The following ERBB4 variants were observed in gnomAD, a reference collection of about 807,000 sequenced individuals.
ERBB4 encodes receptor tyrosine-protein kinase erbB-4.
Under a neutral mutation model 158.0 loss-of-function variants are expected in ERBB4, and 42 were observed. The ratio of observed to expected loss-of-function variants is 0.27; its 90% CI spans 0.21 to 0.34. The LOEUF (loss-of-function observed/expected upper bound fraction) is 0.34, where lower values mean the gene tolerates loss of function less well. Ranked by LOEUF, ERBB4 falls within the 10% of genes least tolerant of loss-of-function variation. The pLI, the probability that ERBB4 is intolerant of heterozygous loss-of-function variation, is 1.00. For missense variants in ERBB4, 1,333 were observed against 1,624.1 expected (o/e 0.82, Z 3.08); for synonymous variants, 583 against 558.7 (o/e 1.04, Z -0.61).
At chr2:211,679,885 G>T (rs1333069507) in intron 12 of ERBB4, among the ~76,000 whole-genome samples, 2 of 152,042 alleles carry the variant, frequency 1.3e-5, no homozygotes, top group African/African-American at 4.8e-5. Context: ...TCACCATGTT[G>T]GCCAGGCTGG....
intron 16 of ERBB4, among the ~76,000 whole-genome samples, chr2:211,644,209 G>C (rs748429864): frequency 1.4e-4 from 21 of 151,950 alleles, no homozygotes; most frequent in Non-Finnish European, 2.6e-4. Context: ...ACTTAGAATT[G>C]ATTAGTTTTT....
chr2:211,463,494 C>T (rs896725248), intron 20 of ERBB4, among the ~76,000 whole-genome samples: 2 of 152,140 alleles, frequency 1.3e-5, no homozygotes, highest in Non-Finnish European at 2.9e-5. Context: ...GGAAGTGGGC[C>T]TCATTTAGCA....
At chr2:212,483,755 G>T (rs1395567085) in intron 1 of ERBB4, among the ~76,000 whole-genome samples, 3 of 149,368 alleles carry the variant, frequency 2.0e-5, no homozygotes, top group African/African-American at 7.5e-5. Flanking sequence ...TCTTTTTTTT[G>T]AGACTGAGTC....
At chr2:211,682,475 G>A (rs1302360150) in intron 12 of ERBB4, among the ~76,000 whole-genome samples, 1 of 151,974 alleles carries the variant, frequency 6.6e-6, no homozygotes, top group Non-Finnish European at 1.5e-5. Flanking sequence ...CATCCTCACA[G>A]ACATGTCCAG....
At chr2:212,256,716 C>G (rs1300984902) in intron 1 of ERBB4, among the ~76,000 whole-genome samples, 4 of 152,100 alleles carry the variant, frequency 2.6e-5, no homozygotes, top group Non-Finnish European at 5.9e-5. Flanking sequence ...CAATGAGGAA[C>G]AGAACCAAGA....
rs559496918 is a variant in ERBB4, at chr2:212,200,738, T to C, written c.83-75835A>G. 3.8e-3 allele frequency among the ~76,000 whole-genome samples: 574 copies of C among 152,316 alleles called. 1 individual carries two copies. Among genetic ancestry groups the C allele is most frequent in the Middle Eastern group, 0.01 (3 of 294 alleles). On this transcript the variant is annotated intron_variant, in intron 1 of 27. Transcript: ENST00000342788. ...AAAAATGATTATTATTTATTGATAT[T>C]CCTTTCCTAATAGAGAATATCACAT...
At chr2:211,991,496 A>G (rs1235835993) in intron 2 of ERBB4, among the ~76,000 whole-genome samples, 1 of 152,192 alleles carries the variant, frequency 6.6e-6, no homozygotes. Context: ...TCATATAAAT[A>G]TTAGAACAAT....
At chr2:211,401,702 C>A (rs1410110725) in intron 25 of ERBB4, among the ~76,000 whole-genome samples, 1 of 151,890 alleles carries the variant, frequency 6.6e-6, no homozygotes, top group African/African-American at 2.4e-5. Context: ...AATAAACATG[C>A]TTAAGAAAGA....
At chr2:211,657,527 A>G in intron 16 of ERBB4, 1 of 515,996 alleles carries the variant, frequency 1.9e-6, no homozygotes, top group South Asian at 2.1e-5. Flanking sequence ...AAAAAAAGAA[A>G]TCGATGGTGT....
chr2:212,182,596 A>T (rs540835814), intron 1 of ERBB4, among the ~76,000 whole-genome samples: 1 of 151,898 alleles, frequency 6.6e-6, no homozygotes, highest in East Asian at 1.9e-4. Context: ...ATTAGTGAGC[A>T]TATTTTATTT....
At chr2:212,519,681 T>G (rs1692041343) in intron 1 of ERBB4, among the ~76,000 whole-genome samples, 1 of 151,774 alleles carries the variant, frequency 6.6e-6, no homozygotes, top group South Asian at 2.1e-4. Flanking sequence ...AGAAATAACT[T>G]AGGCACAGAA....
intron 1 of ERBB4, among the ~76,000 whole-genome samples, chr2:212,511,609 A>T (rs59955246): frequency 0.017 from 2,549 of 151,864 alleles, 70 homozygotes; most frequent in African/African-American, 0.059. Context: ...ATAGATACTT[A>T]TTTTTTTTCA....
intron 2 of ERBB4, among the ~76,000 whole-genome samples, chr2:212,090,353 G>A (rs966576120): frequency 6.6e-6 from 1 of 152,062 alleles, no homozygotes; most frequent in African/African-American, 2.4e-5. Context: ...TCTTTAACTT[G>A]TAGGAGTTGT....
intron 17 of ERBB4, among the ~76,000 whole-genome samples, chr2:211,625,555 T>C (rs2069810373): frequency 6.6e-6 from 1 of 152,188 alleles, no homozygotes; most frequent in Admixed American, 6.5e-5. Context: ...AAATTTAAGT[T>C]ATATAAATGT....
chr2:212,463,409 T>C (rs898568599), intron 1 of ERBB4, among the ~76,000 whole-genome samples: 1 of 152,108 alleles, frequency 6.6e-6, no homozygotes, highest in Non-Finnish European at 1.5e-5. Context: ...TAAAAACACA[T>C]ATATGTATAT....
At chr2:211,965,150 A>G (rs2081278095) in intron 2 of ERBB4, among the ~76,000 whole-genome samples, 1 of 152,200 alleles carries the variant, frequency 6.6e-6, no homozygotes, top group East Asian at 1.9e-4. Context: ...GTATCATGAA[A>G]AGAGGAAAAA....
At chr2:212,059,642 A>T (rs2077697430) in intron 2 of ERBB4, among the ~76,000 whole-genome samples, 1 of 152,222 alleles carries the variant, frequency 6.6e-6, no homozygotes, top group African/African-American at 2.4e-5. Flanking sequence ...AATACCACAC[A>T]TCTACAACCA....
intron 4 of ERBB4, among the ~76,000 whole-genome samples, chr2:211,764,425 T>A (rs918957165): frequency 5.3e-5 from 8 of 152,240 alleles, no homozygotes; most frequent in Non-Finnish European, 7.3e-5. Context: ...GAAATACAAA[T>A]CCTTTAATCA....
chr2:211,447,177 T>C (rs940610421), intron 20 of ERBB4, among the ~76,000 whole-genome samples: 1 of 152,172 alleles, frequency 6.6e-6, no homozygotes, highest in East Asian at 1.9e-4. Context: ...AAAGTTGGAC[T>C]ACCTTTATAT....
Sources: allele counts gnomAD v4.1 joint callset (sites outside exome capture counted in the v4.1 genomes callset), GRCh38; gene constraint gnomAD v4.1.1; transcripts MANE v1.5; gene names NCBI Gene and HGNC (gene_info 2026-07-23, HGNC 2026-07-21).